The following FBXO10 variants were observed in gnomAD, a reference collection of about 807,000 sequenced individuals.
The protein encoded by FBXO10 is F-box protein 10.
A neutral mutation model predicts 80.7 loss-of-function variants in FBXO10; 39 were observed. The ratio of observed to expected loss-of-function variants is 0.48; its 90% CI spans 0.37 to 0.63. The LOEUF (loss-of-function observed/expected upper bound fraction) is 0.63, where lower values mean the gene tolerates loss of function less well. FBXO10 is among the 30% of genes least tolerant of loss of function. FBXO10 has a pLI of 0.00. For synonymous variants in FBXO10, 449 were observed against 489.6 expected, an observed-to-expected ratio of 0.92 and a Z score of 1.09; for missense variants, 1,025 against 1,269.0, an observed-to-expected ratio of 0.81 and a Z score of 2.92.
intron 1 of FBXO10, among the ~76,000 whole-genome samples, chr9:37,568,458 A>G (rs1822665583): frequency 6.6e-6 from 1 of 152,136 alleles, no homozygotes; most frequent in Non-Finnish European, 1.5e-5. Context: ...TCAGCCTCCT[A>G]AAGTGCTGGG....
At chr9:37,512,868 T>A (rs1821098083) in intron 10 of FBXO10, 147 bp from the exon 11 acceptor site, 1 of 811,552 alleles carries the variant, frequency 1.2e-6, no homozygotes, top group East Asian at 2.8e-5. Context: ...TTAGTGTTAG[T>A]CCAAAGAGGT....
chr9:37,512,445 G>A lies in FBXO10; in HGVS notation c.*102C>T, dbSNP rs1368440398. 7.3e-7 allele frequency: 1 copy of A among 1,360,824 alleles called. No individual in the cohort carries two copies. The highest frequency in any genetic ancestry group is 2.0e-5 in the Admixed American group (1 of 48,824). 84.3% of individuals were successfully genotyped at this position (1,360,824 alleles called of 1,614,324 possible). The stretch of plus-strand genomic sequence containing the variant: ...TGTTTTGGAGGCCCGGGACCCATTT[G>A]TTCGAGGGGGAGGGGGAGGGGCGGA... On this transcript the variant is annotated 3_prime_UTR_variant, in exon 11 of 11. Coordinates refer to ENST00000432825, the MANE Select transcript of FBXO10 (RefSeq NM_012166.3).
In FBXO10 at chr9:37,511,969, T is replaced by TG. The variant is rs2119036328; in HGVS notation, c.*577dup. The TG allele has an allele frequency of 6.5e-6, 1 of 152,692 alleles. No homozygotes were observed. Among genetic ancestry groups the TG allele is most frequent in the African/African-American group, 2.4e-5 (1 of 41,540 alleles). The allele number at this position is 152,692 out of a possible 1,614,324, so 9.5% of individuals were successfully genotyped here. On this transcript the variant is annotated 3_prime_UTR_variant, in exon 11 of 11. Transcript: ENST00000432825. ...TGTCATCCCTGGGGCAGCCTTTCCA[T>TG]GGGGTCTCCTGTTGCTCCCAGGTCC...
At chr9:37,548,394 A>T (rs1431315217) in intron 1 of FBXO10, among the ~76,000 whole-genome samples, 1 of 152,210 alleles carries the variant, frequency 6.6e-6, no homozygotes, top group Non-Finnish European at 1.5e-5. Flanking sequence ...CAAAAAATAA[A>T]AAATAAAAAA....
intron 1 of FBXO10, among the ~76,000 whole-genome samples, chr9:37,542,873 T>G (rs747622073): frequency 1.3e-5 from 2 of 152,328 alleles, no homozygotes; most frequent in Admixed American, 1.3e-4. Flanking sequence ...TTCTGTGACT[T>G]GCAACTAGAA....
At chr9:37,564,086 A>T (rs1158104086) in intron 1 of FBXO10, among the ~76,000 whole-genome samples, 1 of 152,252 alleles carries the variant, frequency 6.6e-6, no homozygotes, top group Non-Finnish European at 1.5e-5. Flanking sequence ...GGTACCCTGC[A>T]TCCCAGCTGC....
At chr9:37,520,202 C>G (rs1821298471) in intron 8 of FBXO10, among the ~76,000 whole-genome samples, 1 of 150,990 alleles carries the variant, frequency 6.6e-6, no homozygotes, top group African/African-American at 2.4e-5. Flanking sequence ...CCTCCCACCC[C>G]CACCCCACAG....
chr9:37,571,459 C>T (rs1822753704), intron 1 of FBXO10, among the ~76,000 whole-genome samples: 3 of 152,018 alleles, frequency 2.0e-5, no homozygotes, highest in Non-Finnish European at 2.9e-5. Flanking sequence ...CCATCCAGAT[C>T]ATCTTTACTG....
At chr9:37,523,108 C>A in intron 6 of FBXO10, 131 bp from the exon 7 acceptor site, 1 of 967,288 alleles carries the variant, frequency 1.0e-6, no homozygotes, top group South Asian at 1.7e-5. Flanking sequence ...CAGCAATTAG[C>A]ACTGTAAATC....
At chr9:37,514,449 GTTTTT>G (rs911463258) in intron 10 of FBXO10, among the ~76,000 whole-genome samples, 1 of 151,938 alleles carries the variant, frequency 6.6e-6, no homozygotes, top group African/African-American at 2.4e-5. Context: ...TAGAATTTTG[GTTTTT>G]TTTAACTGTA....
chr9:37,557,235 C>T (rs1351422851), intron 1 of FBXO10, among the ~76,000 whole-genome samples: 2 of 152,172 alleles, frequency 1.3e-5, no homozygotes, highest in Admixed American at 6.6e-5. Context: ...ACAGTAGTAC[C>T]TCTGGCAGCT....
chr9:37,514,258 G>A (rs533774298), intron 10 of FBXO10, among the ~76,000 whole-genome samples: 9 of 152,286 alleles, frequency 5.9e-5, no homozygotes, highest in African/African-American at 1.9e-4. Flanking sequence ...TACTGAAAAG[G>A]AGTGATGAAA....
intron 1 of FBXO10, among the ~76,000 whole-genome samples, chr9:37,570,612 A>T (rs1822726346): frequency 6.6e-6 from 1 of 152,166 alleles, no homozygotes; most frequent in South Asian, 2.1e-4. Flanking sequence ...CTCTACTAAA[A>T]CCAAAGAAGA....
At chr9:37,533,886 C>CA (rs954624318) in intron 3 of FBXO10, among the ~76,000 whole-genome samples, 14 of 143,242 alleles carry the variant, frequency 9.8e-5, no homozygotes, top group South Asian at 2.3e-4. Context: ...AAAAAAAAAA[C>CA]AAAAAAAACA....
At chr9:37,541,044 G>C in intron 2 of FBXO10, 140 bp downstream of exon 2, 1 of 685,010 alleles carries the variant, frequency 1.5e-6, no homozygotes, top group Non-Finnish European at 2.4e-6. Flanking sequence ...TTCTCAACTG[G>C]TTCAGCACTC....
At chr9:37,556,679 GAT>G (rs1822344935) in intron 1 of FBXO10, among the ~76,000 whole-genome samples, 1 of 151,732 alleles carries the variant, frequency 6.6e-6, no homozygotes, top group African/African-American at 2.4e-5. Context: ...AAGTAGCTGG[GAT>G]TACAGGTGTG....
intron 4 of FBXO10, among the ~76,000 whole-genome samples, chr9:37,530,667 G>C (rs1274161265): frequency 1.3e-5 from 2 of 152,002 alleles, no homozygotes; most frequent in Non-Finnish European, 2.9e-5. Flanking sequence ...CCAGGCTGGA[G>C]TGCAGTGGCA....
At chr9:37,524,378 C>A (rs563816967) in intron 6 of FBXO10, among the ~76,000 whole-genome samples, 15 of 152,332 alleles carry the variant, frequency 9.8e-5, no homozygotes, top group African/African-American at 3.6e-4. Flanking sequence ...ATGTCAGTGG[C>A]TGACAGCCTC....
intron 4 of FBXO10, among the ~76,000 whole-genome samples, chr9:37,531,548 C>T (rs920046423): frequency 6.6e-6 from 1 of 152,196 alleles, no homozygotes; most frequent in African/African-American, 2.4e-5. Context: ...TTGGTGGGTT[C>T]GCTGCTGTTG....
Sources: gnomAD v4.1 joint callset for allele counts (sites outside exome capture counted in the v4.1 genomes callset) on GRCh38, gnomAD v4.1.1 for gene constraint, MANE v1.5 for transcripts, NCBI Gene and HGNC (gene_info 2026-07-23, HGNC 2026-07-21) for gene names.